PXDNL: variants seen among roughly 807,000 people sequenced by gnomAD.
The protein encoded by PXDNL is peroxidasin like.
Under a neutral mutation model 150.8 loss-of-function variants are expected in PXDNL, and 145 were observed. That is an observed-to-expected ratio of 0.96 (90% CI 0.84 to 1.10). PXDNL has a LOEUF of 1.10. Among genes scored for constraint, PXDNL ranks in the 50% least tolerant of loss-of-function variants. The pLI is 0.00. For missense variants in PXDNL, 2,087 were observed against 1,873.9 expected (o/e 1.11, Z -2.10); for synonymous variants, 757 against 725.7 (o/e 1.04, Z -0.69).
chr8:51,717,631 T>C (rs1224085155), intron 1 of PXDNL, among the ~76,000 whole-genome samples: 1 of 152,212 alleles, frequency 6.6e-6, no homozygotes, highest in Non-Finnish European at 1.5e-5. Flanking sequence ...AGGTTGTCCC[T>C]GCATAATCAG....
intron 17 of PXDNL, among the ~76,000 whole-genome samples, chr8:51,391,890 TA>T (rs1461181999): frequency 6.6e-5 from 10 of 152,218 alleles, no homozygotes; most frequent in Admixed American, 4.6e-4. Flanking sequence ...TTTAAGTCTT[TA>T]ATCCATCTTG....
chr8:51,472,779 G>C (rs939086039), intron 7 of PXDNL, among the ~76,000 whole-genome samples: 1 of 152,168 alleles, frequency 6.6e-6, no homozygotes, highest in Non-Finnish European at 1.5e-5. Context: ...ATAAATGAAT[G>C]ATTCCATCTT....
Position 51,453,564 on chromosome 8 carries a change from T to C in PXDNL, c.1204A>G (p.Asn402Asp), listed in dbSNP as rs914438452. ...DHGRFTCHAN[N>D]SHGTVQAAAN... The stretch of plus-strand genomic sequence containing the variant: ...GCAGCTTGAACAGTGCCGTGGCTAT[T>C]GTTGGCATGACAGGTAAATCGACCA... Residue 402 changes from asparagine to aspartate, a missense_variant, in exon 10 of 23, where the codon AAT (asparagine) becomes GAT (aspartate). Transcript: ENST00000356297. 1.6e-5 allele frequency: 26 copies of C among 1,613,950 alleles called. No homozygotes were observed. The highest frequency in any genetic ancestry group is 1.9e-5 in the Non-Finnish European group (23 of 1,179,906).
chr8:51,535,740 A>AT (rs1460862402), intron 4 of PXDNL, among the ~76,000 whole-genome samples: 2 of 145,654 alleles, frequency 1.4e-5, no homozygotes, highest in African/African-American at 5.3e-5. Context: ...TAAATAAATA[A>AT]AAATAAAGTT....
intron 1 of PXDNL, among the ~76,000 whole-genome samples, chr8:51,690,887 T>C (rs888903631): frequency 3.3e-5 from 5 of 152,158 alleles, no homozygotes; most frequent in East Asian, 1.9e-4. Flanking sequence ...TGGTATCTCA[T>C]TGTGGTTTTG....
intron 1 of PXDNL, among the ~76,000 whole-genome samples, chr8:51,687,990 A>G (rs994765558): frequency 1.3e-5 from 2 of 152,270 alleles, no homozygotes; most frequent in Non-Finnish European, 2.9e-5. Flanking sequence ...TTCAATTTCT[A>G]TACAATTCCA....
intron 1 of PXDNL, among the ~76,000 whole-genome samples, chr8:51,774,728 G>A (rs988891476): frequency 1.3e-5 from 2 of 152,228 alleles, no homozygotes; most frequent in East Asian, 3.9e-4. Context: ...TGAGGCAGGA[G>A]AATGGTGTGA....
intron 1 of PXDNL, among the ~76,000 whole-genome samples, chr8:51,800,445 A>T (rs781494483): frequency 1.6e-4 from 24 of 152,150 alleles, no homozygotes; most frequent in Non-Finnish European, 3.4e-4. Flanking sequence ...CCTGGGAGTA[A>T]CAGGGAGAAG....
At chr8:51,759,304 G>T (rs574682664) in intron 1 of PXDNL, among the ~76,000 whole-genome samples, 1 of 152,210 alleles carries the variant, frequency 6.6e-6, no homozygotes, top group South Asian at 2.1e-4. Context: ...ATCTGAAAGC[G>T]TCAATTTAAA....
chr8:51,696,790 C>CAT (rs1563510230), intron 1 of PXDNL, among the ~76,000 whole-genome samples: 2 of 58,180 alleles, frequency 3.4e-5, no homozygotes, highest in African/African-American at 6.6e-5. Context: ...CACATACCCA[C>CAT]CCACACATAG....
intron 1 of PXDNL, among the ~76,000 whole-genome samples, chr8:51,756,285 A>C (rs570127727): frequency 5.5e-4 from 84 of 152,020 alleles, no homozygotes; most frequent in African/African-American, 2.0e-3. Flanking sequence ...TCTGCTACTC[A>C]TGAGGCTGAG....
chr8:51,420,422 T>C (rs1217913228), intron 14 of PXDNL, among the ~76,000 whole-genome samples: 1 of 152,216 alleles, frequency 6.6e-6, no homozygotes, highest in African/African-American at 2.4e-5. Context: ...CCCAAAACTT[T>C]TAAATTTGTA....
At chr8:51,488,279 G>C (rs1257593836) in intron 5 of PXDNL, among the ~76,000 whole-genome samples, 1 of 152,172 alleles carries the variant, frequency 6.6e-6, no homozygotes, top group African/African-American at 2.4e-5. Flanking sequence ...TGAAATAGGA[G>C]AGAAAGCTGC....
At chr8:51,693,080 T>A (rs1418733321) in intron 1 of PXDNL, among the ~76,000 whole-genome samples, 1 of 152,250 alleles carries the variant, frequency 6.6e-6, no homozygotes, top group African/African-American at 2.4e-5. Flanking sequence ...GATCAGAGCC[T>A]CTATCTGTCC....
Position 51,339,893 on chromosome 8 carries a change from G to A in PXDNL, c.4017-140C>T, listed in dbSNP as rs1805939868. 4 of 699,628 alleles carry A rather than the reference G, an allele frequency of 5.7e-6. No individual in the cohort carries two copies. In the East Asian group the frequency reaches 8.6e-5, roughly 15 times the overall value. The allele number at this position is 699,628 out of a possible 1,614,324, so 43.3% of individuals were successfully genotyped here. On this transcript the variant is annotated intron_variant, in intron 20 of 22. Transcript: ENST00000356297. ...TTCTTTGTGATCTTAAAAGGAAAAT[G>A]GTATGAGTGGAATTCAAAATTAAAA...
At position 51,552,125 on chromosome 8, in the gene PXDNL, G is replaced by A. The variant is rs547431298; in HGVS notation, c.380+4715C>T. Among the ~76,000 whole-genome samples the A allele has an allele frequency of 1.8e-3, 273 of 152,194 alleles. 1 individual carries two copies. Among genetic ancestry groups the A allele is most frequent in the African/African-American group, 6.3e-3 (260 of 41,516 alleles). ...AAAATGCAAATCAAAACCACAATGC[G>A]ATACTACCTTACTCCTGCAAGAACG... On this transcript the variant is annotated intron_variant, in intron 4 of 22. Transcript: ENST00000356297.
intron 8 of PXDNL, among the ~76,000 whole-genome samples, chr8:51,469,650 A>G (rs2130079773): frequency 6.6e-6 from 1 of 152,228 alleles, no homozygotes; most frequent in Non-Finnish European, 1.5e-5. Context: ...TAATGAAAGG[A>G]AACATGGGTA....
intron 4 of PXDNL, among the ~76,000 whole-genome samples, chr8:51,504,183 G>C (rs1387189160): frequency 6.6e-6 from 1 of 152,018 alleles, no homozygotes; most frequent in Non-Finnish European, 1.5e-5. Flanking sequence ...TATACCCTCG[G>C]TTACTAAAAT....
chr8:51,520,080 G>C (rs529537979), intron 4 of PXDNL, among the ~76,000 whole-genome samples: 2 of 152,292 alleles, frequency 1.3e-5, no homozygotes, highest in East Asian at 3.9e-4. Context: ...CTCCAGGAAG[G>C]AGTTCACTGA....
Sources: allele counts gnomAD v4.1 joint callset (sites outside exome capture counted in the v4.1 genomes callset), GRCh38; gene constraint gnomAD v4.1.1; transcripts MANE v1.5; gene names NCBI Gene and HGNC (gene_info 2026-07-23, HGNC 2026-07-21).